Variants in PLCG2 observed in about 807,000 individuals in gnomAD.
The protein encoded by PLCG2 is 1-phosphatidylinositol 4,5-bisphosphate phosphodiesterase gamma-2.
A neutral mutation model predicts 175.6 loss-of-function variants in PLCG2; 69 were observed. The observed-to-expected ratio is 0.39, with a 90% CI of 0.32 to 0.48. The LOEUF (loss-of-function observed/expected upper bound fraction) is 0.48. Ranked by LOEUF, PLCG2 falls within the 20% of genes least tolerant of loss-of-function variation. The pLI is 0.91. For missense variants in PLCG2, 1,798 were observed against 1,650.9 expected (o/e 1.09, Z -1.54); for synonymous variants, 827 against 624.0 (o/e 1.33, Z -4.85).
Position 81,923,626 on chromosome 16 carries a change from A to G in PLCG2, c.2417+32A>G, listed in dbSNP as rs752867135. 16 of 1,355,616 alleles carry G rather than the reference A, an allele frequency of 1.2e-5. No individual in the cohort carries two copies. The South Asian group carries it at 1.9e-4, about 16-fold the overall frequency. The allele number at this position is 1,355,616 out of a possible 1,614,324, so 84.0% of individuals were successfully genotyped here. A position where few individuals can be genotyped will look rare whatever the true frequency, so the allele number is the denominator to read the frequency against. Reference sequence around the variant, plus strand: ...CTGAGTGGAGGCTGGGCTGCTCGGCAGGTGGGCTTGACTTGTCCCTTCTTG... The same window carrying G: ...CTGAGTGGAGGCTGGGCTGCTCGGCGGGTGGGCTTGACTTGTCCCTTCTTG... On this transcript the variant is annotated intron_variant, in intron 22 of 32. Transcript: ENST00000564138.
At chr16:81,913,118 T>C (rs1909702600) in intron 19 of PLCG2, among the ~76,000 whole-genome samples, 1 of 152,026 alleles carries the variant, frequency 6.6e-6, no homozygotes, top group Non-Finnish European at 1.5e-5. Flanking sequence ...ATAGATCTGG[T>C]TTCCTCCCAA....
chr16:81,866,056 GGCC>G lies in PLCG2; in HGVS notation c.480-3157_480-3155del, dbSNP rs1907217270. On this transcript the variant is annotated intron_variant, in intron 5 of 32. Transcript: ENST00000564138. ...TGGGGCACCAGCATGAGAGGACGCT[GGCC>G]TCTCCCTTGCTCCCAGGATGGGCTC... Among the ~76,000 whole-genome samples the G allele has an allele frequency of 4.6e-5, 6 of 130,646 alleles. 1 individual carries two copies. The highest frequency in any genetic ancestry group is 1.8e-4 in the African/African-American group (6 of 33,130). The allele number at this position is 130,646 out of a possible 152,430, so 85.7% of individuals were successfully genotyped here.
At chr16:81,875,492 A>C (rs1597367581) in intron 7 of PLCG2, among the ~76,000 whole-genome samples, 1 of 152,232 alleles carries the variant, frequency 6.6e-6, no homozygotes, top group Non-Finnish European at 1.5e-5. Flanking sequence ...GTATTAAAGA[A>C]AATGTAAAGC....
chr16:81,861,495 A>C (rs950710100), intron 5 of PLCG2, among the ~76,000 whole-genome samples: 1 of 152,168 alleles, frequency 6.6e-6, no homozygotes, highest in Non-Finnish European at 1.5e-5. Context: ...AGCTCACTCC[A>C]TGTTTTTCTG....
intron 15 of PLCG2, 122 bp from the exon 16 acceptor site, chr16:81,907,563 C>A (rs770448500): frequency 3.4e-6 from 2 of 582,028 alleles, no homozygotes; most frequent in Admixed American, 3.0e-5. Context: ...CCATAAATGT[C>A]TATGAAACTG....
intron 5 of PLCG2, among the ~76,000 whole-genome samples, chr16:81,866,570 C>T (rs1239092647): frequency 2.1e-5 from 2 of 96,114 alleles, no homozygotes; most frequent in Admixed American, 1.1e-4. Flanking sequence ...GAGGACGTGG[C>T]CTCTCCCTTG....
rs928061418 is a variant in PLCG2, at chr16:81,907,858, G to T, written c.1557+84G>T. The T allele has an allele frequency of 3.3e-6, 3 of 916,486 alleles. 1 individual carries two copies. The highest frequency in any genetic ancestry group is 5.2e-6 in the Non-Finnish European group (3 of 572,554). 56.8% of individuals were successfully genotyped at this position (916,486 alleles called of 1,614,324 possible). On this transcript the variant is annotated intron_variant, in intron 16 of 32. Coordinates refer to ENST00000564138, the MANE Select transcript of PLCG2 (RefSeq NM_002661.5). ...AGTCCCCGGGACCTCCTTCCCATGT[G>T]GCTTCTCTGGCCGGCTGGCAAGGGG...
chr16:81,860,698 C>T (rs1184370774), intron 5 of PLCG2, among the ~76,000 whole-genome samples: 1 of 152,150 alleles, frequency 6.6e-6, no homozygotes, highest in African/African-American at 2.4e-5. Flanking sequence ...TGGCCAGGCG[C>T]AGTGGTGTAC....
intron 1 of PLCG2, among the ~76,000 whole-genome samples, chr16:81,739,982 A>G (rs554119344): frequency 8.4e-6 from 1 of 118,446 alleles, no homozygotes; most frequent in East Asian, 3.5e-4. Flanking sequence ...TACTAAAAGT[A>G]CAAAAATTAG....
At chr16:81,904,896 AT>A (rs1481422554) in intron 14 of PLCG2, among the ~76,000 whole-genome samples, 1 of 151,828 alleles carries the variant, frequency 6.6e-6, no homozygotes, top group Non-Finnish European at 1.5e-5. Context: ...TTACTTATTT[AT>A]TTTTTACTGG....
intron 2 of PLCG2, among the ~76,000 whole-genome samples, chr16:81,838,778 A>AATATATATATAT (rs10549962): frequency 5.2e-4 from 74 of 141,674 alleles, no homozygotes; most frequent in African/African-American, 1.5e-3. Context: ...AGTAAAATTA[A>AATATATATATAT]ATATATATAT....
intron 8 of PLCG2, among the ~76,000 whole-genome samples, chr16:81,882,972 C>T (rs1273261291): frequency 6.6e-6 from 1 of 152,158 alleles, no homozygotes; most frequent in Non-Finnish European, 1.5e-5. Context: ...CCCATGGCCA[C>T]ACTCCTGGAG....
chr16:81,779,148 A>C (rs923014721), upstream of PLCG2: 7 of 151,894 alleles, frequency 4.6e-5, no homozygotes, highest in Admixed American at 4.6e-4. Context: ...CATGGCGGGG[A>C]GGGCGCGGGG....
chr16:81,787,220 A>T (rs1175445861), intron 2 of PLCG2, among the ~76,000 whole-genome samples: 3 of 150,906 alleles, frequency 2.0e-5, no homozygotes, highest in Non-Finnish European at 3.0e-5. Context: ...TTTTTTTTTT[A>T]AAACAAAATT....
At chr16:81,764,282 G>A (rs1332735746) in intron 2 of PLCG2, among the ~76,000 whole-genome samples, 1 of 152,154 alleles carries the variant, frequency 6.6e-6, no homozygotes, top group Non-Finnish European at 1.5e-5. Context: ...GGGGGACAGA[G>A]TGAGATCCTG....
At chr16:81,744,771 G>A (rs1176922168) in intron 1 of PLCG2, among the ~76,000 whole-genome samples, 1 of 151,576 alleles carries the variant, frequency 6.6e-6, no homozygotes, top group African/African-American at 2.4e-5. Flanking sequence ...TCACTATGTT[G>A]CCCAGGCTGA....
At chr16:81,803,172 G>C (rs1031553763) in intron 2 of PLCG2, among the ~76,000 whole-genome samples, 2 of 142,806 alleles carry the variant, frequency 1.4e-5, no homozygotes, top group East Asian at 4.4e-4. Flanking sequence ...AGGCTGGAGT[G>C]CAGTGGCATG....
In PLCG2 at chr16:81,900,786, C is replaced by T. The variant is rs1186538052; in HGVS notation, c.1362+6C>T. On this transcript the variant is annotated splice_donor_region_variant and intron_variant, in intron 14 of 32. Coordinates refer to ENST00000564138, the MANE Select transcript of PLCG2 (RefSeq NM_002661.5). The stretch of plus-strand genomic sequence containing the variant: ...GGGAGAAGATCATCATCAAGGTAGG[C>T]ACCCCGGGTGCTGCTGTTGGCTGTC... 2.5e-6 allele frequency: 4 copies of T among 1,593,926 alleles called. No homozygotes were observed. The African/African-American group carries it at 4.0e-5, about 16-fold the overall frequency.
At chr16:81,891,657 C>T (rs567421892) in intron 11 of PLCG2, 67 bp downstream of exon 11, 37 of 870,384 alleles carry the variant, frequency 4.3e-5, no homozygotes, top group East Asian at 2.4e-4. Flanking sequence ...GGCAGGGGTC[C>T]GATACGCCGC....
Sources: gnomAD v4.1 joint callset for allele counts (sites outside exome capture counted in the v4.1 genomes callset) on GRCh38, gnomAD v4.1.1 for gene constraint, MANE v1.5 for transcripts, NCBI Gene and HGNC (gene_info 2026-07-23, HGNC 2026-07-21) for gene names.